The following VPS53 variants were observed in gnomAD, a reference collection of about 807,000 sequenced individuals.
VPS53 encodes vacuolar protein sorting-associated protein 53 homolog.
Under a neutral mutation model 107.0 loss-of-function variants are expected in VPS53, and 70 were observed. The observed-to-expected ratio is 0.65, with a 90% confidence interval of 0.54 to 0.80. The LOEUF is 0.80. VPS53 is among the 30% of genes least tolerant of loss of function. The pLI, the probability that VPS53 is intolerant of heterozygous loss-of-function variation, is 0.00. For synonymous variants in VPS53, 409 were observed against 393.3 expected, an observed-to-expected ratio of 1.04 and a Z score of -0.47; for missense variants, 917 against 1,049.4, an observed-to-expected ratio of 0.87 and a Z score of 1.74.
intron 2 of VPS53, among the ~76,000 whole-genome samples, chr17:708,618 T>C (rs1973507600): frequency 6.6e-6 from 1 of 151,626 alleles, no homozygotes; most frequent in African/African-American, 2.4e-5. Flanking sequence ...GTTCTCTAAC[T>C]CCCCCAGGGA....
intron 4 of VPS53, among the ~76,000 whole-genome samples, chr17:686,224 G>A (rs1453573436): frequency 1.3e-5 from 2 of 152,092 alleles, no homozygotes; most frequent in Admixed American, 6.5e-5. Flanking sequence ...GGAGGCTGAG[G>A]TGGAAGGATC....
chr17:714,084 G>T (rs976851271), intron 1 of VPS53: 1 of 151,664 alleles, frequency 6.6e-6, no homozygotes, highest in Non-Finnish European at 1.5e-5. Context: ...GGGAAAAGAG[G>T]CCCCTTGGGA....
chr17:592,820 T>A (rs1967737309), intron 12 of VPS53, among the ~76,000 whole-genome samples: 1 of 152,186 alleles, frequency 6.6e-6, no homozygotes, highest in Non-Finnish European at 1.5e-5. Flanking sequence ...GCCCCTGACA[T>A]TTTTTCCTTC....
chr17:697,885 G>C (rs1223808552), intron 3 of VPS53, among the ~76,000 whole-genome samples: 1 of 152,176 alleles, frequency 6.6e-6, no homozygotes, highest in African/African-American at 2.4e-5. Context: ...GAAAGAGCCA[G>C]AGTGATAGAT....
intron 7 of VPS53, among the ~76,000 whole-genome samples, chr17:639,249 C>T (rs1195798635): frequency 6.6e-6 from 1 of 152,156 alleles, no homozygotes; most frequent in Non-Finnish European, 1.5e-5. Context: ...AGTTCTTGTG[C>T]CATGGTTTTC....
intron 11 of VPS53, among the ~76,000 whole-genome samples, chr17:610,905 T>G (rs1365124454): frequency 6.9e-6 from 1 of 145,888 alleles, no homozygotes; most frequent in Non-Finnish European, 1.5e-5. Flanking sequence ...ACCACTGAAC[T>G]CCAGCCTGGG....
At chr17:560,345 C>A (rs150990853) in intron 15 of VPS53, 81 bp downstream of exon 15, 3 of 1,509,776 alleles carry the variant, frequency 2.0e-6, no homozygotes, top group African/African-American at 2.8e-5. Context: ...CATGTTAGGA[C>A]GTATATTCTT....
chr17:595,257 G>C (rs371638781), intron 12 of VPS53, among the ~76,000 whole-genome samples: 46 of 77,326 alleles, frequency 5.9e-4, no homozygotes, highest in South Asian at 1.3e-3. Context: ...GCCCTGCCCT[G>C]GAGGAAGCTG....
At chr17:592,426 T>C (rs900683555) in intron 12 of VPS53, among the ~76,000 whole-genome samples, 4 of 152,208 alleles carry the variant, frequency 2.6e-5, no homozygotes, top group Admixed American at 1.3e-4. Context: ...AATTTGATCC[T>C]GTCATTATGA....
chr17:521,706 G>C lies in VPS53; in HGVS notation c.2118C>G (p.Val706=). Residue 706 remains valine, a synonymous_variant, in exon 20 of 22, where the codon GTC becomes GTG. Coordinates refer to ENST00000437048, the MANE Select transcript of VPS53 (RefSeq NM_001128159.3). ...LLLDTHSLKM[V]LLDLPSISSQ... Reference sequence around the variant, plus strand: ...AGCTGATGGAGGGGAGATCGAGCAGGACCATCTTCAGCGAGTGGGTGTCCA... The same window carrying C: ...AGCTGATGGAGGGGAGATCGAGCAGCACCATCTTCAGCGAGTGGGTGTCCA... 2 of 1,549,240 alleles carry C rather than the reference G, an allele frequency of 1.3e-6. No homozygotes were observed. The highest frequency in any genetic ancestry group is 1.7e-6 in the Non-Finnish European group (2 of 1,145,298).
At chr17:571,078 G>A (rs1567636236) in intron 13 of VPS53, among the ~76,000 whole-genome samples, 1 of 152,042 alleles carries the variant, frequency 6.6e-6, no homozygotes, top group South Asian at 2.1e-4. Context: ...CAACACTTTG[G>A]GAGGCCAGCA....
At chr17:621,989 A>G (rs1969485173) in intron 11 of VPS53, among the ~76,000 whole-genome samples, 1 of 152,156 alleles carries the variant, frequency 6.6e-6, no homozygotes, top group Non-Finnish European at 1.5e-5. Flanking sequence ...AGGCGGGCAG[A>G]TCACCTGAGG....
At chr17:654,969 G>A (rs1010051060) in intron 6 of VPS53, among the ~76,000 whole-genome samples, 1 of 152,130 alleles carries the variant, frequency 6.6e-6, no homozygotes, top group Non-Finnish European at 1.5e-5. Flanking sequence ...AGTGGACCAG[G>A]CATCCCTGGA....
intron 5 of VPS53, among the ~76,000 whole-genome samples, chr17:661,288 G>A (rs1018606496): frequency 1.3e-5 from 2 of 151,832 alleles, no homozygotes; most frequent in South Asian, 2.1e-4. Flanking sequence ...TTGGGAGGCC[G>A]AGGCGGGCGG....
At chr17:692,519 G>A (rs537581441) in intron 4 of VPS53, among the ~76,000 whole-genome samples, 4 of 152,090 alleles carry the variant, frequency 2.6e-5, no homozygotes, top group Non-Finnish European at 4.4e-5. Context: ...TTAACCAAGC[G>A]GCTGGTATTT....
At chr17:624,483 C>A (rs1175927207) in intron 10 of VPS53, among the ~76,000 whole-genome samples, 1 of 152,154 alleles carries the variant, frequency 6.6e-6, no homozygotes, top group East Asian at 1.9e-4. Context: ...TGAACAGGGA[C>A]ATGTGAGTTC....
chr17:687,631 G>T (rs957845185), intron 4 of VPS53, among the ~76,000 whole-genome samples: 6 of 151,604 alleles, frequency 4.0e-5, no homozygotes. Flanking sequence ...CCAGCTACTC[G>T]GGACGCTGAA....
intron 4 of VPS53, among the ~76,000 whole-genome samples, chr17:678,266 A>G (rs975303473): frequency 6.6e-6 from 1 of 151,356 alleles, no homozygotes; most frequent in Admixed American, 6.6e-5. Context: ...CTAAAAATAC[A>G]AAAAAATTAG....
At chr17:695,798 C>T (rs561696516) in intron 4 of VPS53, among the ~76,000 whole-genome samples, 2 of 152,208 alleles carry the variant, frequency 1.3e-5, no homozygotes, top group African/African-American at 4.8e-5. Flanking sequence ...GTGATCTCCC[C>T]GCCTCGGCCT....
Sources: gnomAD v4.1 joint callset for allele counts (sites outside exome capture counted in the v4.1 genomes callset) on GRCh38, gnomAD v4.1.1 for gene constraint, MANE v1.5 for transcripts, NCBI Gene and HGNC (gene_info 2026-07-23, HGNC 2026-07-21) for gene names.